CR1L: variants seen among roughly 807,000 people sequenced by gnomAD.
CR1L encodes the protein complement C3b/C4b receptor 1 like.
In CR1L, 59 loss-of-function variants were observed where a neutral mutation model predicts 62.3. That is an observed-to-expected ratio of 0.95 (90% CI 0.77 to 1.18). The LOEUF (loss-of-function observed/expected upper bound fraction) is 1.18. Among genes scored for constraint, CR1L ranks in the 50% most tolerant of loss-of-function variants. The pLI, the probability that CR1L is intolerant of heterozygous loss-of-function variation, is 0.00. For missense variants in CR1L, 700 were observed against 702.8 expected (o/e 1.00, Z 0.04); for synonymous variants, 279 against 248.7 (o/e 1.12, Z -1.15).
rs1654089958 is a variant in CR1L, at chr1:207,719,716, TCAAA to T, written c.1642+2028_1642+2031del. ...CCTGGACAACAAACAAGACTCTGTC[TCAAA>T]CACACACACACACACACGCACACAC... On this transcript the variant is annotated intron_variant, in intron 11 of 11. Transcript: ENST00000508064. Among the ~76,000 whole-genome samples the T allele has an allele frequency of 2.0e-5, 3 of 151,582 alleles. No homozygotes were observed. In the South Asian group the frequency reaches 6.2e-4, roughly 31 times the overall value.
At chr1:207,710,671 T>C in intron 10 of CR1L, 1 of 1,610,058 alleles carries the variant, frequency 6.2e-7, no homozygotes, top group Non-Finnish European at 8.5e-7. Context: ...TTTCCTTAAA[T>C]GAAGTTGTGG....
At chr1:207,671,961 G>A (rs936523763) in intron 1 of CR1L, among the ~76,000 whole-genome samples, 4 of 150,608 alleles carry the variant, frequency 2.7e-5, no homozygotes, top group Non-Finnish European at 4.4e-5. Context: ...GGAAAAGAAT[G>A]CAAGACAAAA....
intron 11 of CR1L, among the ~76,000 whole-genome samples, chr1:207,721,674 C>T (rs1344475963): frequency 8.6e-5 from 13 of 150,318 alleles, no homozygotes; most frequent in African/African-American, 3.2e-4. Context: ...GTCTTTATAG[C>T]AGCATGATTT....
At chr1:207,692,780 C>T (rs1188822863) in intron 4 of CR1L, among the ~76,000 whole-genome samples, 4 of 151,514 alleles carry the variant, frequency 2.6e-5, no homozygotes, top group Non-Finnish European at 5.9e-5. Flanking sequence ...GCGTGCCATA[C>T]CCCCAGCCCG....
chr1:207,695,283 A>G (rs11578427), intron 5 of CR1L, among the ~76,000 whole-genome samples: 5,848 of 151,896 alleles, frequency 0.038, 179 homozygotes, highest in South Asian at 0.12. Flanking sequence ...ATGCTACCAC[A>G]CCTGGTTAAA....
intron 1 of CR1L, chr1:207,669,275 T>C (rs1048224429): frequency 1.3e-5 from 7 of 530,168 alleles, no homozygotes; most frequent in African/African-American, 6.2e-5. Context: ...AACATGGCCT[T>C]GCCCATGAAG....
At chr1:207,721,206 T>A (rs916864519) in intron 11 of CR1L, among the ~76,000 whole-genome samples, 1 of 152,128 alleles carries the variant, frequency 6.6e-6, no homozygotes, top group Non-Finnish European at 1.5e-5. Flanking sequence ...TTTTTTTTTA[T>A]TATACTTTAA....
intron 1 of CR1L, among the ~76,000 whole-genome samples, chr1:207,677,141 G>A (rs969470114): frequency 1.3e-5 from 2 of 151,758 alleles, no homozygotes; most frequent in African/African-American, 2.4e-5. Flanking sequence ...GGCCAACACG[G>A]TGAAACCTTG....
intron 1 of CR1L, among the ~76,000 whole-genome samples, chr1:207,655,707 G>C (rs1320723695): frequency 6.6e-6 from 1 of 152,014 alleles, no homozygotes; most frequent in East Asian, 1.9e-4. Context: ...CAAAGTGCTG[G>C]GATTACAAAT....
intron 1 of CR1L, among the ~76,000 whole-genome samples, chr1:207,654,841 G>A (rs1558010297): frequency 1.3e-5 from 2 of 152,118 alleles, no homozygotes; most frequent in African/African-American, 4.8e-5. Context: ...CCAGCTCTAG[G>A]GCCTGTTCTC....
rs1172263771 is a variant in CR1L at position 207,694,652 on chromosome 1, G to A, written c.763G>A (p.Glu255Lys). The A allele has an allele frequency of 1.2e-6, 2 of 1,611,888 alleles. No individual in the cohort carries two copies. The highest frequency in any genetic ancestry group is 1.7e-6 in the Non-Finnish European group (2 of 1,179,724). The change falls in exon 5 of 12, where the codon GAG (glutamate) becomes AAG (lysine). Residue 255 changes from glutamate (E) to lysine (K), a missense_variant. Coordinates refer to ENST00000508064, the MANE Select transcript of CR1L (RefSeq NM_175710.2). ...CTTATTTTCCTTAAATGAAGTTGTG[G>A]AGTTTAGGTGTCAGCCTGGCTTTGG... ...RSLFSLNEVV[E>K]FRCQPGFGMK...
At chr1:207,691,653 A>G (rs1280017728) in intron 4 of CR1L, among the ~76,000 whole-genome samples, 5 of 152,030 alleles carry the variant, frequency 3.3e-5, no homozygotes, top group Non-Finnish European at 7.4e-5. Context: ...TTTAAGTTAT[A>G]TTTCATTTTT....
At chr1:207,684,854 C>G (rs1387963536) in intron 4 of CR1L, among the ~76,000 whole-genome samples, 48 of 152,132 alleles carry the variant, frequency 3.2e-4, no homozygotes, top group Non-Finnish European at 5.9e-5. Context: ...TTACTCTTCT[C>G]TTTGGATAAC....
chr1:207,660,240 G>A (rs574137062), intron 1 of CR1L, among the ~76,000 whole-genome samples: 4 of 152,330 alleles, frequency 2.6e-5, no homozygotes, highest in African/African-American at 7.2e-5. Context: ...CCTGACCCCC[G>A]TATAGCCTAA....
chr1:207,658,104 C>A (rs1233239609), intron 1 of CR1L, among the ~76,000 whole-genome samples: 1 of 151,860 alleles, frequency 6.6e-6, no homozygotes, highest in Non-Finnish European at 1.5e-5. Context: ...TCAAAATATC[C>A]AAACATGTAG....
chr1:207,676,702 T>A (rs1255592504), intron 1 of CR1L, among the ~76,000 whole-genome samples: 1 of 152,100 alleles, frequency 6.6e-6, no homozygotes, highest in Non-Finnish European at 1.5e-5. Flanking sequence ...TCACCCAGGC[T>A]GGAGTGCAGT....
At chr1:207,680,763 CA>C (rs1382884815) in intron 3 of CR1L, among the ~76,000 whole-genome samples, 1 of 152,130 alleles carries the variant, frequency 6.6e-6, no homozygotes, top group Non-Finnish European at 1.5e-5. Flanking sequence ...TAGTTAAAAC[CA>C]AATGGCGCCA....
chr1:207,710,526 C>G (rs1664338452), intron 10 of CR1L: 1 of 1,609,028 alleles, frequency 6.2e-7, no homozygotes, highest in East Asian at 2.2e-5. Flanking sequence ...GTGGGTGAGC[C>G]CTCCATATAC....
chr1:207,718,966 G>A (rs1167003805), intron 11 of CR1L, among the ~76,000 whole-genome samples: 3 of 149,626 alleles, frequency 2.0e-5, no homozygotes, highest in African/African-American at 7.4e-5. Context: ...TAGGGACATG[G>A]ATGAAATTGG....
Sources: gnomAD v4.1 joint callset for allele counts (sites outside exome capture counted in the v4.1 genomes callset) on GRCh38, gnomAD v4.1.1 for gene constraint, MANE v1.5 for transcripts, NCBI Gene and HGNC (gene_info 2026-07-23, HGNC 2026-07-21) for gene names.